The following SHTN1 variants were observed in gnomAD, a reference collection of about 807,000 sequenced individuals.
SHTN1 encodes shootin 1, also known as shootin-1.
Under a neutral mutation model 83.1 loss-of-function variants are expected in SHTN1, and 42 were observed. That is an observed-to-expected ratio of 0.51 (90% confidence interval 0.39 to 0.65). The LOEUF (loss-of-function observed/expected upper bound fraction) is 0.65. SHTN1 is among the 30% of genes least tolerant of loss of function. The probability of loss-of-function intolerance (pLI) is 0.00; values close to 1 mark genes in which losing one functional copy is unlikely to be tolerated. For synonymous variants in SHTN1, 224 were observed against 247.7 expected, an observed-to-expected ratio of 0.90 and a Z score of 0.90; for missense variants, 622 against 737.8, an observed-to-expected ratio of 0.84 and a Z score of 1.82.
At chr10:116,984,499 C>T (rs1217205569) in intron 1 of SHTN1, among the ~76,000 whole-genome samples, 2 of 152,120 alleles carry the variant, frequency 1.3e-5, no homozygotes, top group Admixed American at 1.3e-4. Context: ...CCCTTCCCTA[C>T]TCCCTGTATG....
At chr10:116,972,762 G>A (rs768231898) in intron 2 of SHTN1, among the ~76,000 whole-genome samples, 3 of 152,222 alleles carry the variant, frequency 2.0e-5, no homozygotes, top group Non-Finnish European at 4.4e-5. Context: ...ATTCTCTGTA[G>A]CTCAAGGCTG....
At chr10:117,072,463 C>T (rs1853095969) in intron 1 of SHTN1, among the ~76,000 whole-genome samples, 1 of 152,132 alleles carries the variant, frequency 6.6e-6, no homozygotes, top group Non-Finnish European at 1.5e-5. Context: ...ACTGCTCCTG[C>T]AGGACCCAGG....
chr10:116,886,100 G>T lies in SHTN1; in HGVS notation c.*244C>A. 1.9e-6 allele frequency: 1 copy of T among 535,026 alleles called. No homozygotes were observed. The highest frequency in any genetic ancestry group is 3.2e-6 in the Non-Finnish European group (1 of 308,584). The allele number at this position is 535,026 out of a possible 1,614,324, so 33.1% of individuals were successfully genotyped here. ...TCTAAAAGAAGTCATACTTAATACA[G>T]TAACTAGGAAAAAAACCTCATCTTT... On this transcript the variant is annotated 3_prime_UTR_variant, in exon 17 of 17. Coordinates refer to ENST00000355371, the MANE Select transcript of SHTN1 (RefSeq NM_001127211.3).
At chr10:117,079,141 C>G (rs965150877) in intron 1 of SHTN1, among the ~76,000 whole-genome samples, 1 of 150,966 alleles carries the variant, frequency 6.6e-6, no homozygotes, top group African/African-American at 2.4e-5. Flanking sequence ...CCCACTAACT[C>G]GTCATCTAGC....
intron 1 of SHTN1, among the ~76,000 whole-genome samples, chr10:116,996,884 C>T (rs1851645867): frequency 6.6e-6 from 1 of 152,164 alleles, no homozygotes; most frequent in African/African-American, 2.4e-5. Context: ...TACAACCATA[C>T]CTCTCCAAAG....
intron 1 of SHTN1, 60 bp downstream of exon 1, chr10:117,004,962 T>C: frequency 6.6e-7 from 1 of 1,505,958 alleles, no homozygotes; most frequent in East Asian, 2.4e-5. Context: ...CCCAGCGCCC[T>C]GGGGCCGTCC....
At chr10:117,108,783 A>G (rs188131278) in intron 1 of SHTN1, among the ~76,000 whole-genome samples, 121 of 152,330 alleles carry the variant, frequency 7.9e-4, no homozygotes, top group Admixed American at 7.8e-3. Flanking sequence ...ATTAGTGGAC[A>G]TTAGCTAAGT....
At chr10:116,953,902 T>C in intron 5 of SHTN1, 140 bp downstream of exon 5, 2 of 659,492 alleles carry the variant, frequency 3.0e-6, no homozygotes, top group East Asian at 3.2e-5. Context: ...GTGCTAGGAT[T>C]ACAGGCGTGA....
chr10:117,110,645 G>A (rs900185851), intron 1 of SHTN1, among the ~76,000 whole-genome samples: 4 of 152,022 alleles, frequency 2.6e-5, no homozygotes, highest in Non-Finnish European at 5.9e-5. Flanking sequence ...ACAGGTGTGA[G>A]CCACCGTACC....
chr10:117,094,241 G>A (rs1330632470), intron 1 of SHTN1, among the ~76,000 whole-genome samples: 1 of 152,228 alleles, frequency 6.6e-6, no homozygotes, highest in Non-Finnish European at 1.5e-5. Context: ...TGGTGTCACA[G>A]ATGTTGCCAC....
chr10:117,031,178 C>T (rs1307486730), intron 2 of SHTN1, among the ~76,000 whole-genome samples: 1 of 152,052 alleles, frequency 6.6e-6, no homozygotes, highest in African/African-American at 2.4e-5. Flanking sequence ...TTGGTGGAAA[C>T]CTTACAGGTC....
Position 117,062,792 on chromosome 10 carries a change from T to C in SHTN1, c.-188-14282A>G, listed in dbSNP as rs367998488. Among the ~76,000 whole-genome samples the C allele has an allele frequency of 3.2e-4, 48 of 152,344 alleles. No individual in the cohort carries two copies. The East Asian group carries it at 7.7e-3, about 24-fold the overall frequency. On this transcript the variant is annotated intron_variant, in intron 1 of 17. Coordinates refer to the SHTN1 transcript ENST00000392901. ...TCAATAATTTTTAAGAATGGTGTAC[T>C]GAGCCAAACAGTTTGAGAGCTGCTT...
intron 2 of SHTN1, among the ~76,000 whole-genome samples, chr10:117,016,881 G>T (rs1057315861): frequency 9.9e-5 from 15 of 152,074 alleles, no homozygotes; most frequent in African/African-American, 3.4e-4. Flanking sequence ...GTATATGCAT[G>T]GGTTAATGTA....
chr10:116,978,492 C>A (rs984106537), intron 2 of SHTN1, among the ~76,000 whole-genome samples: 2 of 151,826 alleles, frequency 1.3e-5, no homozygotes, highest in African/African-American at 4.8e-5. Context: ...ATATCTAAAA[C>A]CGAAAATAGG....
intron 9 of SHTN1, among the ~76,000 whole-genome samples, chr10:116,934,768 C>T (rs188668949): frequency 6.6e-6 from 1 of 152,250 alleles, no homozygotes; most frequent in East Asian, 1.9e-4. Context: ...GCAGTACAGC[C>T]ATTTTCACGA....
chr10:117,065,770 A>G (rs1852977727), intron 1 of SHTN1, among the ~76,000 whole-genome samples: 3 of 38,836 alleles, frequency 7.7e-5, no homozygotes, highest in South Asian at 2.0e-3. Context: ...GAAAGAAAGA[A>G]AGAAAGAAAG....
intron 1 of SHTN1, among the ~76,000 whole-genome samples, chr10:117,079,866 C>T (rs1272525152): frequency 2.7e-5 from 4 of 145,672 alleles, no homozygotes; most frequent in South Asian, 2.2e-4. Context: ...TGTCCTTCGC[C>T]CACTTTTTGA....
intron 16 of SHTN1, among the ~76,000 whole-genome samples, chr10:116,899,283 G>A (rs900526763): frequency 2.0e-5 from 3 of 152,172 alleles, no homozygotes; most frequent in African/African-American, 7.2e-5. Flanking sequence ...AGGATAAGGG[G>A]GAATCAGAGC....
chr10:117,112,226 A>G (rs775526649), intron 1 of SHTN1, among the ~76,000 whole-genome samples: 8 of 152,110 alleles, frequency 5.3e-5, no homozygotes, highest in Non-Finnish European at 1.2e-4. Context: ...TCGGCCTCCC[A>G]AACTGCTGAG....
Sources: allele counts gnomAD v4.1 joint callset (sites outside exome capture counted in the v4.1 genomes callset), GRCh38; gene constraint gnomAD v4.1.1; transcripts MANE v1.5; gene names NCBI Gene and HGNC (gene_info 2026-07-23, HGNC 2026-07-21).